The following FLT3 variants were observed in gnomAD, a reference collection of about 807,000 sequenced individuals.
FLT3 encodes the protein receptor-type tyrosine-protein kinase FLT3.
A neutral mutation model predicts 126.6 loss-of-function variants in FLT3; 46 were observed. The ratio of observed to expected loss-of-function variants is 0.36; its 90% CI spans 0.29 to 0.46. The LOEUF (loss-of-function observed/expected upper bound fraction) is 0.46. FLT3 is among the 20% of genes least tolerant of loss of function. The probability of loss-of-function intolerance (pLI) is 1.00; values close to 1 mark genes in which losing one functional copy is unlikely to be tolerated. For missense variants in FLT3, 1,069 were observed against 1,190.3 expected (o/e 0.90, Z 1.50); for synonymous variants, 404 against 434.4 (o/e 0.93, Z 0.87).
chr13:28,081,844 C>CTTTTTTTTTTTT (rs35243277), intron 1 of FLT3, among the ~76,000 whole-genome samples: 6 of 64,974 alleles, frequency 9.2e-5, no homozygotes, highest in African/African-American at 2.1e-4. Context: ...TACTTTGATT[C>CTTTTTTTTTTTT]TTTTTTTTTT....
intron 9 of FLT3, among the ~76,000 whole-genome samples, chr13:28,045,786 A>G (rs1433823118): frequency 6.6e-6 from 1 of 151,014 alleles, no homozygotes; most frequent in East Asian, 1.9e-4. Flanking sequence ...GCTTGAACCC[A>G]GGAGCTTGCA....
chr13:28,039,548 CTTTTT>C (rs10564719), intron 9 of FLT3, among the ~76,000 whole-genome samples: 2 of 120,676 alleles, frequency 1.7e-5, no homozygotes, highest in Non-Finnish European at 1.8e-5. Context: ...TGCAATAAAA[CTTTTT>C]TTTTTTTTTT....
intron 16 of FLT3, among the ~76,000 whole-genome samples, chr13:28,027,846 A>G (rs938140515): frequency 2.0e-5 from 3 of 152,042 alleles, no homozygotes; most frequent in African/African-American, 7.2e-5. Flanking sequence ...CTCTGTAACC[A>G]CTCTCACCAC....
At chr13:28,026,625 C>T (rs1872827709) in intron 17 of FLT3, among the ~76,000 whole-genome samples, 1 of 152,178 alleles carries the variant, frequency 6.6e-6, no homozygotes, top group Non-Finnish European at 1.5e-5. Flanking sequence ...TGCTACTTTA[C>T]TGTGTCCCCA....
chr13:28,005,576 A>G (rs528091670), intron 23 of FLT3, among the ~76,000 whole-genome samples: 49 of 152,260 alleles, frequency 3.2e-4, no homozygotes, highest in African/African-American at 1.1e-3. Flanking sequence ...CTGATGCATC[A>G]TAATTAACCT....
chr13:28,028,207 A>G lies in FLT3; in HGVS notation c.2024T>C (p.Val675Ala). Residue 675 changes from valine (V) to alanine (A), a missense_variant, in exon 16 of 24, where the codon GTG becomes GCG. Coordinates refer to ENST00000241453, the MANE Select transcript of FLT3 (RefSeq NM_004119.3). ...CAGTGTGCACGCCCCCAGCAGGTTC[A>G]CAATATTCTCGTGGCTTCCCAGCTG... ...MTQLGSHENI[V>A]NLLGACTLSG... 6.2e-7 allele frequency: 1 copy of G among 1,609,594 alleles called. No homozygotes were observed. The highest frequency in any genetic ancestry group is 1.7e-5 in the Admixed American group (1 of 60,002).
chr13:28,078,684 A>C (rs1316872717), intron 1 of FLT3, among the ~76,000 whole-genome samples: 2 of 151,240 alleles, frequency 1.3e-5, no homozygotes, highest in Non-Finnish European at 2.9e-5. Context: ...CAGCAGCTAG[A>C]ATTTCTCCCC....
Position 28,067,303 on chromosome 13 carries a change from G to A in FLT3, c.165+3188C>T, listed in dbSNP as rs141542187. Among the ~76,000 whole-genome samples, 1,164 of 152,282 alleles carry A rather than the reference G, an allele frequency of 7.6e-3. 7 individuals are homozygous for A. The highest frequency in any genetic ancestry group is 0.013 in the Non-Finnish European group (860 of 68,030). ...CTCCCAAAATGCTGGGATTACAGGC[G>A]TGAGCCACCGTGCCCAGCCCCTGTA... On this transcript the variant is annotated intron_variant, in intron 2 of 23. Coordinates refer to ENST00000241453, the MANE Select transcript of FLT3 (RefSeq NM_004119.3).
intron 9 of FLT3, among the ~76,000 whole-genome samples, chr13:28,038,049 T>C (rs535691096): frequency 2.2e-4 from 33 of 152,314 alleles, no homozygotes; most frequent in African/African-American, 7.9e-4. Context: ...CCCTGCTTCC[T>C]GAAATGACAG....
At chr13:28,091,316 G>T (rs572103525) in intron 1 of FLT3, among the ~76,000 whole-genome samples, 1 of 134,528 alleles carries the variant, frequency 7.4e-6, no homozygotes, top group African/African-American at 2.8e-5. Flanking sequence ...CCGCCTCCCG[G>T]GTTCACGCCA....
intron 1 of FLT3, among the ~76,000 whole-genome samples, chr13:28,094,425 G>A (rs1181217847): frequency 6.6e-6 from 1 of 152,094 alleles, no homozygotes; most frequent in African/African-American, 2.4e-5. Flanking sequence ...AAAAAAAATG[G>A]TTCCTCTTTT....
At position 28,042,236 on chromosome 13, in the gene FLT3, C is replaced by T. The variant is rs1874462788; in HGVS notation, c.1206-4948G>A. Among the ~76,000 whole-genome samples the T allele has an allele frequency of 1.3e-5, 2 of 149,150 alleles. 1 individual carries two copies. Among genetic ancestry groups the T allele is most frequent in the South Asian group, 4.2e-4 (2 of 4,730 alleles). On this transcript the variant is annotated intron_variant, in intron 9 of 23. Transcript: ENST00000241453. Reference sequence around the variant, plus strand: ...GAAAGAAAAAAAAGTAAAGTTGATGCCCATCAACAGGAGTTAGTTAAAATA... The same window carrying T: ...GAAAGAAAAAAAAGTAAAGTTGATGTCCATCAACAGGAGTTAGTTAAAATA...
chr13:28,047,074 T>C (rs1256464567), intron 9 of FLT3, among the ~76,000 whole-genome samples: 2 of 152,088 alleles, frequency 1.3e-5, no homozygotes, highest in Admixed American at 6.6e-5. Context: ...AGACCTGTGA[T>C]AGGAATCACC....
At chr13:28,053,124 A>C (rs1875685456) in intron 4 of FLT3, among the ~76,000 whole-genome samples, 1 of 151,942 alleles carries the variant, frequency 6.6e-6, no homozygotes, top group African/African-American at 2.4e-5. Flanking sequence ...GTGGAGTTGG[A>C]ATTGCAACAG....
intron 20 of FLT3, 37 bp downstream of exon 20, chr13:28,018,430 T>C: frequency 1.2e-6 from 2 of 1,611,044 alleles, no homozygotes; most frequent in Non-Finnish European, 1.7e-6. Flanking sequence ...CAACACAAAA[T>C]AGCCGTATAA....
intron 2 of FLT3, among the ~76,000 whole-genome samples, chr13:28,066,029 T>G (rs1183297503): frequency 6.6e-6 from 1 of 151,824 alleles, no homozygotes. Flanking sequence ...ATATGTGAAA[T>G]GAGGGGGCTG....
intron 4 of FLT3, 29 bp downstream of exon 4, chr13:28,057,318 C>T: frequency 1.0e-6 from 1 of 958,714 alleles, no homozygotes; most frequent in Non-Finnish European, 1.7e-6. Context: ...GTATTCCAGG[C>T]TGGAATACTA....
At chr13:28,091,309 C>CAT (rs1566108612) in intron 1 of FLT3, among the ~76,000 whole-genome samples, 3 of 144,548 alleles carry the variant, frequency 2.1e-5, no homozygotes, top group Non-Finnish European at 4.5e-5. Flanking sequence ...GCAAGCTCCG[C>CAT]CTCCCGGGTT....
intron 1 of FLT3, among the ~76,000 whole-genome samples, chr13:28,079,305 G>T (rs1301818969): frequency 1.3e-5 from 2 of 152,022 alleles, no homozygotes; most frequent in African/African-American, 4.8e-5. Flanking sequence ...AGACCACCTC[G>T]GCTTGGACCT....
Sources: gnomAD v4.1 joint callset for allele counts (sites outside exome capture counted in the v4.1 genomes callset) on GRCh38, gnomAD v4.1.1 for gene constraint, MANE v1.5 for transcripts, NCBI Gene and HGNC (gene_info 2026-07-23, HGNC 2026-07-21) for gene names.